Variants in APOO observed in about 807,000 individuals in gnomAD.
The protein encoded by APOO is MICOS complex subunit MIC26.
APOO carries 11 observed loss-of-function variants against 23.1 expected under a neutral mutation model. That is an observed-to-expected ratio of 0.48 (90% confidence interval 0.30 to 0.79). The LOEUF is 0.79. Among genes scored for constraint, APOO ranks in the 30% least tolerant of loss-of-function variants. The pLI is 0.07. For synonymous variants in APOO, 59 were observed against 54.8 expected (o/e 1.08, Z -0.34); for missense variants, 160 against 142.7 (o/e 1.12, Z -0.62).
intron 5 of APOO, among the ~76,000 whole-genome samples, chrX:23,862,127 T>C (rs1045012835): frequency 4.5e-5 from 5 of 111,047 alleles, no homozygotes; most frequent in African/African-American, 9.8e-5. Context: ...CTTTGAAACA[T>C]GACTGGATAA....
intron 7 of APOO, among the ~76,000 whole-genome samples, chrX:23,855,045 T>TA (rs1924721426): frequency 9.4e-6 from 1 of 106,271 alleles, no homozygotes; most frequent in Non-Finnish European, 1.9e-5. Flanking sequence ...TTTTTCTTTT[T>TA]TTTTTTTTTT....
chrX:23,860,813 C>T (rs1457633557), intron 5 of APOO, among the ~76,000 whole-genome samples: 4 of 101,323 alleles, frequency 3.9e-5, no homozygotes, highest in East Asian at 3.2e-4. Flanking sequence ...TGAGCCAGTA[C>T]GCCCAGCCCC....
At chrX:23,842,760 G>C (rs1924044076) in intron 7 of APOO, among the ~76,000 whole-genome samples, 1 of 112,347 alleles carries the variant, frequency 8.9e-6, no homozygotes, top group Admixed American at 9.4e-5. Context: ...TGTAATCCCA[G>C]CACTTTGGGA....
At chrX:23,875,169 C>T (rs912300438) in intron 3 of APOO, among the ~76,000 whole-genome samples, 1 of 106,937 alleles carries the variant, frequency 9.4e-6, no homozygotes, top group African/African-American at 3.4e-5. Context: ...AGAATCACTT[C>T]AATCCAGGAG....
chrX:23,880,818 T>C (rs1348503040), intron 2 of APOO, 27 bp downstream of exon 2: 15 of 1,034,602 alleles, frequency 1.4e-5, no homozygotes, highest in Non-Finnish European at 1.9e-5. Context: ...ACACTCAAAA[T>C]ATATCGCAAC....
intron 5 of APOO, among the ~76,000 whole-genome samples, chrX:23,863,944 G>A (rs1238388479): frequency 9.1e-6 from 1 of 109,802 alleles, no homozygotes; most frequent in Non-Finnish European, 1.9e-5. Context: ...GAGGCATAGT[G>A]TTTTTTGCTG....
At chrX:23,863,013 G>A (rs777367438) in intron 5 of APOO, among the ~76,000 whole-genome samples, 6 of 110,487 alleles carry the variant, frequency 5.4e-5, no homozygotes, top group Admixed American at 3.9e-4. Context: ...GCTGCAAGCC[G>A]CCATATTGTT....
chrX:23,872,545 A>AT (rs1336430293), intron 4 of APOO, among the ~76,000 whole-genome samples: 11 of 103,985 alleles, frequency 1.1e-4, no homozygotes, highest in African/African-American at 3.9e-4. Context: ...ATATATATAT[A>AT]AAATTTTTGT....
chrX:23,885,392 T>C (rs1178949184), intron 1 of APOO, among the ~76,000 whole-genome samples: 1 of 105,237 alleles, frequency 9.5e-6, no homozygotes, highest in East Asian at 2.9e-4. Context: ...ATATATATTA[T>C]ATATATATAT....
chrX:23,903,370 G>GA lies in APOO; in HGVS notation c.9+4323dup, dbSNP rs775150196. On this transcript the variant is annotated intron_variant, in intron 1 of 8. Transcript: ENST00000379226. ...GCGTGATAGAGCGAGACTCCATCTA[G>GA]AAAAAAAAAAAAAAATGGAGCATTT... Among the ~76,000 whole-genome samples the GA allele has an allele frequency of 9.8e-3, 805 of 82,106 alleles. 8 individuals carry two copies. The highest frequency in any genetic ancestry group is 0.027 in the African/African-American group (605 of 22,319). The allele number at this position is 82,106 out of a possible 115,157, so 71.3% of individuals were successfully genotyped here. A position where few individuals can be genotyped will look rare whatever the true frequency, so the allele number is the denominator to read the frequency against.
intron 1 of APOO, among the ~76,000 whole-genome samples, chrX:23,882,553 C>G (rs779717871): frequency 8.9e-6 from 1 of 111,960 alleles, no homozygotes; most frequent in South Asian, 3.7e-4. Flanking sequence ...TTAGGCACAG[C>G]CATAGAAATA....
intron 6 of APOO, 21 bp from the exon 7 acceptor site, chrX:23,856,403 A>T: frequency 8.9e-7 from 1 of 1,118,137 alleles, no homozygotes; most frequent in Non-Finnish European, 1.2e-6. Flanking sequence ...AATAGAAAAG[A>T]TCTTACCATC....
At chrX:23,880,096 T>C (rs111673546) in intron 2 of APOO, among the ~76,000 whole-genome samples, 32 of 108,847 alleles carry the variant, frequency 2.9e-4, no homozygotes, top group African/African-American at 9.7e-4. Flanking sequence ...ATTAAGTACA[T>C]ACTTATGAGC....
rs745993898 is a variant in APOO, at chrX:23,833,399, T to A, written c.*243A>T. The A allele has an allele frequency of 9.0e-6, 1 of 111,067 alleles. No individual in the cohort carries two copies. Among genetic ancestry groups the A allele is most frequent in the East Asian group, 2.8e-4 (1 of 3,541 alleles). The allele number at this position is 111,067 out of a possible 1,213,427, so 9.2% of individuals were successfully genotyped here. On this transcript the variant is annotated 3_prime_UTR_variant, in exon 9 of 9. Transcript: ENST00000379226. ...TTAATTAGGTACATAAATAGCAACA[T>A]GAGAATGAGGAGTTCTAAGGCTTGT...
At chrX:23,891,198 T>G (rs1488493380) in intron 1 of APOO, among the ~76,000 whole-genome samples, 1 of 110,949 alleles carries the variant, frequency 9.0e-6, no homozygotes, top group African/African-American at 3.3e-5. Flanking sequence ...CTCTTCTCAC[T>G]CCAGGGCAAT....
At chrX:23,851,926 T>A (rs1054672698) in intron 7 of APOO, among the ~76,000 whole-genome samples, 4 of 111,704 alleles carry the variant, frequency 3.6e-5, no homozygotes, top group African/African-American at 1.3e-4. Flanking sequence ...GTTTTATGTA[T>A]GTATGTATGT....
At chrX:23,842,939 C>T (rs771572370) in intron 7 of APOO, among the ~76,000 whole-genome samples, 20 of 111,740 alleles carry the variant, frequency 1.8e-4, no homozygotes, top group Admixed American at 5.7e-4. Context: ...ACCCAGGAGG[C>T]GGAGGTTGCA....
intron 1 of APOO, among the ~76,000 whole-genome samples, chrX:23,884,851 T>A (rs1926299480): frequency 1.8e-5 from 2 of 111,157 alleles, no homozygotes; most frequent in African/African-American, 6.5e-5. Flanking sequence ...AGAGAGGAAG[T>A]AGAAAAAGAG....
chrX:23,895,126 G>A (rs1926841918), intron 1 of APOO, among the ~76,000 whole-genome samples: 1 of 108,044 alleles, frequency 9.3e-6, no homozygotes, highest in South Asian at 4.1e-4. Context: ...GTGACAGAGT[G>A]AGACTCCGCC....
Sources: gnomAD v4.1 joint callset for allele counts (sites outside exome capture counted in the v4.1 genomes callset) on GRCh38, gnomAD v4.1.1 for gene constraint, MANE v1.5 for transcripts, NCBI Gene and HGNC (gene_info 2026-07-23, HGNC 2026-07-21) for gene names.